Variants in GABPB2 observed in about 807,000 individuals in gnomAD.
GABPB2 encodes GA binding protein transcription factor subunit beta 2, also known as GA-binding protein subunit beta-2.
A neutral mutation model predicts 39.1 loss-of-function variants in GABPB2; 23 were observed. The observed-to-expected ratio is 0.59, with a 90% CI of 0.42 to 0.83. GABPB2 has a LOEUF of 0.83. GABPB2 is among the 40% of genes least tolerant of loss of function. GABPB2 has a pLI of 0.00. For synonymous variants in GABPB2, 184 were observed against 199.3 expected, an observed-to-expected ratio of 0.92 and a Z score of 0.65; for missense variants, 467 against 541.1, an observed-to-expected ratio of 0.86 and a Z score of 1.36.
At position 151,121,679 on chromosome 1, in the gene GABPB2, C is replaced by T. The variant is rs1681187482; in HGVS notation, c.*3423C>T. The T allele has an allele frequency of 6.6e-6, 1 of 152,172 alleles. No individual in the cohort carries two copies. The highest frequency in any genetic ancestry group is 6.5e-5 in the Admixed American group (1 of 15,270). The allele number at this position is 152,172 out of a possible 1,614,324, so 9.4% of individuals were successfully genotyped here. ...TCTTGAACTCCTGACCTCAGGTGAT[C>T]CACCTGTCTCGACCTCCCAAAGTGC... On this transcript the variant is annotated 3_prime_UTR_variant, in exon 9 of 9. Coordinates refer to ENST00000368918, the MANE Select transcript of GABPB2 (RefSeq NM_144618.3).
chr1:151,093,737 C>T (rs926920689), intron 4 of GABPB2, among the ~76,000 whole-genome samples: 5 of 151,704 alleles, frequency 3.3e-5, no homozygotes, highest in Non-Finnish European at 5.9e-5. Flanking sequence ...ATGAAAATTT[C>T]CCTTTCTAAT....
rs587631090 is a variant in GABPB2 at position 151,108,870 on chromosome 1, C to G, written c.922+1648C>G. 3.9e-5 allele frequency among the ~76,000 whole-genome samples: 6 copies of G among 152,286 alleles called. No individual in the cohort carries two copies. The East Asian group carries it at 1.2e-3, about 29-fold the overall frequency. On this transcript the variant is annotated intron_variant, in intron 7 of 8. Coordinates refer to ENST00000368918, the MANE Select transcript of GABPB2 (RefSeq NM_144618.3). ...GAAAAGAGGAAGCCCATCATTACAA[C>G]TCCATGCCTTAAAAATACTGGAGGT...
chr1:151,107,204 G>C lies in GABPB2; in HGVS notation c.904G>C (p.Val302Leu). 2 of 1,586,226 alleles carry C rather than the reference G, an allele frequency of 1.3e-6. No individual in the cohort carries two copies. Residue 302 changes from valine (V) to leucine (L), a missense_variant, in exon 7 of 9, where the codon GTG becomes CTG. Transcript: ENST00000368918. ...CATTGGCCAGCCATTTATTGTAACT[G>C]TGCAAGATGGACAGCAAGGTGAGTT... ...GGIGQPFIVT[V>L]QDGQQVLTVP...
intron 2 of GABPB2, among the ~76,000 whole-genome samples, chr1:151,089,721 C>G (rs1558136219): frequency 6.6e-6 from 1 of 151,860 alleles, no homozygotes; most frequent in Non-Finnish European, 1.5e-5. Context: ...ATCTCTTGGG[C>G]TCAAGCAGTC....
intron 7 of GABPB2, among the ~76,000 whole-genome samples, chr1:151,115,275 G>A (rs1680770389): frequency 1.3e-5 from 2 of 151,836 alleles, no homozygotes; most frequent in East Asian, 2.0e-4. Context: ...CAGGAGAATC[G>A]CTTGAACTGG....
intron 6 of GABPB2, among the ~76,000 whole-genome samples, chr1:151,105,487 A>G (rs1679891402): frequency 6.7e-6 from 1 of 149,814 alleles, no homozygotes; most frequent in African/African-American, 2.4e-5. Flanking sequence ...ATATAAACAT[A>G]TATGTATATA....
Sources: allele counts gnomAD v4.1 joint callset (sites outside exome capture counted in the v4.1 genomes callset), GRCh38; gene constraint gnomAD v4.1.1; transcripts MANE v1.5; gene names NCBI Gene and HGNC (gene_info 2026-07-23, HGNC 2026-07-21).